The following MDFIC variants were observed in gnomAD, a reference collection of about 807,000 sequenced individuals.
The protein encoded by MDFIC is myoD family inhibitor domain-containing protein.
A neutral mutation model predicts 23.2 loss-of-function variants in MDFIC; 17 were observed. The observed-to-expected ratio is 0.73, with a 90% CI of 0.50 to 1.10. MDFIC has a LOEUF of 1.10. MDFIC is among the 50% of genes least tolerant of loss of function. The pLI, the probability that MDFIC is intolerant of heterozygous loss-of-function variation, is 0.00. For missense variants in MDFIC, 356 were observed against 316.6 expected (o/e 1.12, Z -0.95); for synonymous variants, 120 against 115.2 (o/e 1.04, Z -0.27).
At chr7:114,997,777 A>G (rs1328463997) in intron 4 of MDFIC, among the ~76,000 whole-genome samples, 1 of 151,416 alleles carries the variant, frequency 6.6e-6, no homozygotes, top group African/African-American at 2.4e-5. Flanking sequence ...AGAAAAGAAA[A>G]GAAAAGAAAG....
chr7:114,996,429 G>A (rs1285906722), intron 4 of MDFIC, among the ~76,000 whole-genome samples: 21 of 152,194 alleles, frequency 1.4e-4, no homozygotes, highest in Admixed American at 1.4e-3. Context: ...CATTAACTGA[G>A]ATGAGAAGAC....
At chr7:114,941,275 G>A (rs1184262820) in intron 2 of MDFIC, among the ~76,000 whole-genome samples, 2 of 152,162 alleles carry the variant, frequency 1.3e-5, no homozygotes, top group East Asian at 1.9e-4. Context: ...TCAGTGGCTA[G>A]TTTGACTTAT....
At chr7:114,951,834 C>T (rs550088198) in intron 3 of MDFIC, among the ~76,000 whole-genome samples, 23 of 152,264 alleles carry the variant, frequency 1.5e-4, no homozygotes, top group East Asian at 1.9e-4. Flanking sequence ...CCAGGACATT[C>T]GGCTTCCTTC....
At chr7:114,987,657 T>A (rs567526762) in intron 4 of MDFIC, among the ~76,000 whole-genome samples, 2 of 152,166 alleles carry the variant, frequency 1.3e-5, no homozygotes, top group Admixed American at 1.3e-4. Flanking sequence ...AGCCAACACA[T>A]TAAATTGAAA....
intron 3 of MDFIC, among the ~76,000 whole-genome samples, chr7:114,957,073 A>C (rs559818096): frequency 6.6e-6 from 1 of 152,172 alleles, no homozygotes; most frequent in Non-Finnish European, 1.5e-5. Context: ...CTTTTACCTA[A>C]GCTTTATAAT....
chr7:114,994,478 T>C (rs1237779040), intron 4 of MDFIC, among the ~76,000 whole-genome samples: 2 of 152,258 alleles, frequency 1.3e-5, no homozygotes, highest in Non-Finnish European at 2.9e-5. Flanking sequence ...GTTTTTGCAG[T>C]GGCTGGTACC....
intron 4 of MDFIC, among the ~76,000 whole-genome samples, chr7:115,001,132 GT>G (rs1791459252): frequency 6.6e-6 from 1 of 152,284 alleles, no homozygotes; most frequent in Non-Finnish European, 1.5e-5. Flanking sequence ...TTATTAAGTA[GT>G]TTGCTCAAGG....
intron 3 of MDFIC, among the ~76,000 whole-genome samples, chr7:114,972,507 C>T (rs1429819160): frequency 6.6e-6 from 1 of 152,136 alleles, no homozygotes; most frequent in Non-Finnish European, 1.5e-5. Flanking sequence ...ACATAATGGT[C>T]TTCAAATGGC....
At chr7:114,981,828 G>A (rs956029573) in intron 4 of MDFIC, among the ~76,000 whole-genome samples, 13 of 152,064 alleles carry the variant, frequency 8.5e-5, no homozygotes, top group African/African-American at 2.2e-4. Context: ...TTAAGGTTGT[G>A]CCCTAAAATT....
chr7:114,930,850 C>T (rs1288123639), intron 2 of MDFIC, among the ~76,000 whole-genome samples: 2 of 152,140 alleles, frequency 1.3e-5, no homozygotes, highest in African/African-American at 4.8e-5. Flanking sequence ...GAGGATAAAT[C>T]GTGATTTCTA....
chr7:114,974,896 A>G (rs1243272976), intron 3 of MDFIC, among the ~76,000 whole-genome samples: 1 of 152,002 alleles, frequency 6.6e-6, no homozygotes, highest in East Asian at 1.9e-4. Flanking sequence ...TAAAATTACA[A>G]TCATGCTGTA....
At chr7:114,990,944 A>ACTTCC (rs1791143807) in intron 4 of MDFIC, among the ~76,000 whole-genome samples, 1 of 151,808 alleles carries the variant, frequency 6.6e-6, no homozygotes, top group East Asian at 1.9e-4. Flanking sequence ...ACAATGGTTG[A>ACTTCC]ACTAGTTTAC....
chr7:115,001,076 C>T (rs1585120415), intron 4 of MDFIC, among the ~76,000 whole-genome samples: 1 of 152,086 alleles, frequency 6.6e-6, no homozygotes. Context: ...GGTAGACATC[C>T]TCTCAAGTGG....
chr7:114,964,561 C>T (rs1274292527), intron 3 of MDFIC, among the ~76,000 whole-genome samples: 3 of 149,906 alleles, frequency 2.0e-5, no homozygotes, highest in Admixed American at 2.0e-4. Context: ...CTTCGCTTCC[C>T]TCCCCTTCCG....
intron 3 of MDFIC, among the ~76,000 whole-genome samples, chr7:114,946,148 G>T (rs1277752498): frequency 3.9e-5 from 6 of 152,016 alleles, no homozygotes; most frequent in Non-Finnish European, 5.9e-5. Flanking sequence ...GTTTTAATTA[G>T]ACAAGAAAAG....
chr7:114,996,182 A>G (rs1791323070), intron 4 of MDFIC, among the ~76,000 whole-genome samples: 1 of 152,194 alleles, frequency 6.6e-6, no homozygotes, highest in Admixed American at 6.5e-5. Context: ...ATAGTGGACT[A>G]CAGGTACACA....
At chr7:115,007,143 C>A (rs1164494583) in intron 4 of MDFIC, among the ~76,000 whole-genome samples, 2 of 152,142 alleles carry the variant, frequency 1.3e-5, no homozygotes, top group Non-Finnish European at 2.9e-5. Context: ...GAGCCTTTTA[C>A]AAACCTCCTT....
At chr7:115,007,553 T>G (rs1480365347) in intron 4 of MDFIC, among the ~76,000 whole-genome samples, 1 of 150,332 alleles carries the variant, frequency 6.7e-6, no homozygotes, top group East Asian at 1.9e-4. Context: ...TTTACCCCTC[T>G]TCAGATTTCT....
chr7:114,985,282 T>G (rs1305131643), intron 4 of MDFIC, among the ~76,000 whole-genome samples: 2 of 152,040 alleles, frequency 1.3e-5, no homozygotes, highest in East Asian at 3.9e-4. Context: ...TCAGATGAAG[T>G]GTTCGATATG....
Sources: gnomAD v4.1 joint callset for allele counts (sites outside exome capture counted in the v4.1 genomes callset) on GRCh38, gnomAD v4.1.1 for gene constraint, MANE v1.5 for transcripts, NCBI Gene and HGNC (gene_info 2026-07-23, HGNC 2026-07-21) for gene names.